LIG1: variants seen among roughly 807,000 people sequenced by gnomAD.
The protein encoded by LIG1 is ligase I, DNA, ATP-dependent.
A neutral mutation model predicts 115.7 loss-of-function variants in LIG1; 70 were observed. That is an observed-to-expected ratio of 0.60 (90% CI 0.50 to 0.74). The LOEUF (loss-of-function observed/expected upper bound fraction) is 0.74, where lower values mean the gene tolerates loss of function less well. Ranked by LOEUF, LIG1 falls within the 30% of genes least tolerant of loss-of-function variation. The pLI, the probability that LIG1 is intolerant of heterozygous loss-of-function variation, is 0.00. For synonymous variants in LIG1, 487 were observed against 495.3 expected (o/e 0.98, Z 0.22); for missense variants, 1,115 against 1,225.6 (o/e 0.91, Z 1.35).
chr19:48,150,314 T>C (rs991354926), intron 7 of LIG1, 104 bp from the exon 8 acceptor site: 43 of 1,523,784 alleles, frequency 2.8e-5, no homozygotes, highest in Non-Finnish European at 3.6e-5. Context: ...AGATGGAAGA[T>C]ATAACTACAC....
intron 25 of LIG1, 83 bp downstream of exon 25, chr19:48,119,054 C>T: frequency 1.7e-6 from 2 of 1,174,892 alleles, no homozygotes; most frequent in Non-Finnish European, 2.5e-6. Context: ...ATGGTGGAAG[C>T]CAAGAGCCCT....
chr19:48,145,136 C>T (rs1051177425), intron 9 of LIG1, among the ~76,000 whole-genome samples: 7 of 152,130 alleles, frequency 4.6e-5, no homozygotes, highest in Admixed American at 2.0e-4. Context: ...TGGACTTAAG[C>T]GATCCTCCCA....
intron 11 of LIG1, among the ~76,000 whole-genome samples, chr19:48,141,713 G>A (rs1267606947): frequency 6.6e-6 from 1 of 152,160 alleles, no homozygotes; most frequent in Non-Finnish European, 1.5e-5. Flanking sequence ...AACTTAGGGG[G>A]CCTCATTAGA....
intron 12 of LIG1, among the ~76,000 whole-genome samples, chr19:48,138,600 AC>A (rs987801241): frequency 1.1e-4 from 16 of 151,840 alleles, no homozygotes; most frequent in African/African-American, 3.9e-4. Flanking sequence ...CTCACAACAA[AC>A]CCGGGACTTG....
At chr19:48,129,196 G>A (rs2033863145) in intron 19 of LIG1, among the ~76,000 whole-genome samples, 1 of 151,780 alleles carries the variant, frequency 6.6e-6, no homozygotes, top group Non-Finnish European at 1.5e-5. Context: ...GGGACTACAA[G>A]AGCACGCCAC....
rs1196882396 is a variant in LIG1 at position 48,150,149 on chromosome 19, C to T, written c.636G>A (p.Gln212=). ...GAGGCTTGGTCTGCTCTTCCTCCTC[C>T]TGCAGTTCCTGCTTCGTGGCCACCT... ...EPEVATKQEL[Q]EEEEQTKPPR... Residue 212 remains glutamine (Q), a synonymous_variant, in exon 8 of 28, where the codon CAG becomes CAA. Coordinates refer to ENST00000263274, the MANE Select transcript of LIG1 (RefSeq NM_000234.3). The T allele has an allele frequency of 1.9e-6, 3 of 1,614,222 alleles. No individual in the cohort carries two copies. The highest frequency in any genetic ancestry group is 1.6e-4 in the Middle Eastern group (1 of 6,062).
At chr19:48,129,441 CTGG>C (rs2033876574) in intron 19 of LIG1, among the ~76,000 whole-genome samples, 1 of 152,204 alleles carries the variant, frequency 6.6e-6, no homozygotes, top group African/African-American at 2.4e-5. Context: ...GCAGGACTCT[CTGG>C]TGAAGGTCTG....
At position 48,123,241 on chromosome 19, in the gene LIG1, G is replaced by A. The variant is rs142066936; in HGVS notation, c.2082C>T (p.Val694=). The A allele has an allele frequency of 1.2e-5, 20 of 1,614,038 alleles. No homozygotes were observed. In the South Asian group the frequency reaches 1.3e-4, roughly 11 times the overall value. The change falls in exon 22 of 28, where the codon GTC becomes GTT. Residue 694 remains valine (V), a synonymous_variant. Transcript: ENST00000263274. The stretch of plus-strand genomic sequence containing the variant: ...CCTTGGTGTCCAGGGAGGTGGCGAA[G>A]ACAAACTCGCCCTCTGTCTCCACAA... ...ENFVETEGEF[V]FATSLDTKDI...
intron 6 of LIG1, among the ~76,000 whole-genome samples, chr19:48,151,838 A>G (rs536305156): frequency 5.9e-5 from 9 of 152,310 alleles, no homozygotes; most frequent in Admixed American, 5.2e-4. Context: ...CGAGACATAA[A>G]TGGTGTGTCT....
rs759379259 is a variant in LIG1, at chr19:48,121,335, G to A, written c.2233-13C>T. 6.3e-7 allele frequency: 1 copy of A among 1,590,160 alleles called. No homozygotes were observed. The highest frequency in any genetic ancestry group is 1.7e-4 in the Middle Eastern group (1 of 5,978). ...AGTCCTTCTTCAGCTGGGAGAAGGGGAGGCAAGAGATGAGAAGGGGGAGCG... is the reference window on the plus strand; with the variant it reads ...AGTCCTTCTTCAGCTGGGAGAAGGGAAGGCAAGAGATGAGAAGGGGGAGCG... On this transcript the variant is annotated splice_polypyrimidine_tract_variant and intron_variant, in intron 23 of 27. Transcript: ENST00000263274.
intron 11 of LIG1, among the ~76,000 whole-genome samples, chr19:48,143,313 C>A (rs1465674738): frequency 6.6e-6 from 1 of 152,212 alleles, no homozygotes; most frequent in African/African-American, 2.4e-5. Context: ...CCTTACCCTG[C>A]ACATCTGGGC....
chr19:48,158,473 G>A (rs997831808), intron 4 of LIG1, among the ~76,000 whole-genome samples: 1 of 152,230 alleles, frequency 6.6e-6, no homozygotes, highest in Non-Finnish European at 1.5e-5. Context: ...CCGTGTCTCG[G>A]TTTCAACCAC....
intron 16 of LIG1, 51 bp from the exon 17 acceptor site, chr19:48,134,117 C>G: frequency 6.7e-7 from 1 of 1,502,136 alleles, no homozygotes; most frequent in South Asian, 1.2e-5. Flanking sequence ...AGAACTCACA[C>G]AGTTTGGAAA....
At chr19:48,130,963 T>G in intron 19 of LIG1, 113 bp downstream of exon 19, 1 of 821,750 alleles carries the variant, frequency 1.2e-6, no homozygotes, top group Non-Finnish European at 2.1e-6. Flanking sequence ...AAACGCAACC[T>G]GATCTCCTCC....
At position 48,133,026 on chromosome 19, in the gene LIG1, C is replaced by G; in HGVS notation, c.1681G>C (p.Ala561Pro). The change falls in exon 18 of 28, where the codon GCA (alanine) becomes CCA (proline). Residue 561 changes from alanine (A) to proline (P), a missense_variant. Transcript: ENST00000263274. ...ISEVLKRFEE[A>P]AFTCEYKYDG... ...TATTTGTATTCGCAGGTGAAAGCTG[C>G]CTCCTCAAAGCGTTTCAGGACCTCG... is the stretch of plus-strand genomic sequence containing the variant. 1 of 1,614,090 alleles carries G rather than the reference C, an allele frequency of 6.2e-7. No individual in the cohort carries two copies. The highest frequency in any genetic ancestry group is 1.7e-5 in the Admixed American group (1 of 60,012).
chr19:48,135,843 T>G, intron 15 of LIG1, 64 bp from the exon 16 acceptor site: 1 of 1,440,144 alleles, frequency 6.9e-7, no homozygotes, highest in Non-Finnish European at 9.8e-7. Context: ...CAGGGTGCAG[T>G]GGGTGGTTTG....
intron 26 of LIG1, 41 bp downstream of exon 26, chr19:48,117,597 G>A: frequency 6.2e-7 from 1 of 1,606,608 alleles, no homozygotes; most frequent in Non-Finnish European, 8.5e-7. Flanking sequence ...TGCCCGCCCA[G>A]AATCCCACAC....
chr19:48,134,823 C>G (rs2034276404), intron 16 of LIG1, among the ~76,000 whole-genome samples: 1 of 152,254 alleles, frequency 6.6e-6, no homozygotes, highest in Non-Finnish European at 1.5e-5. Flanking sequence ...GCTCAGCACC[C>G]AGTGGGGGGC....
chr19:48,141,525 C>T (rs981919470), intron 11 of LIG1, among the ~76,000 whole-genome samples: 66 of 152,134 alleles, frequency 4.3e-4, no homozygotes, highest in South Asian at 2.1e-4. Context: ...ACAGAGGCAC[C>T]GAAAGAGTCC....
Sources: allele counts gnomAD v4.1 joint callset (sites outside exome capture counted in the v4.1 genomes callset), GRCh38; gene constraint gnomAD v4.1.1; transcripts MANE v1.5; gene names NCBI Gene and HGNC (gene_info 2026-07-23, HGNC 2026-07-21).